The following COBLL1 variants were observed in gnomAD, a reference collection of about 807,000 sequenced individuals.
COBLL1 encodes cordon-bleu WH2 repeat protein like 1.
COBLL1 carries 50 observed loss-of-function variants against 94.8 expected under a neutral mutation model. The ratio of observed to expected loss-of-function variants is 0.53; its 90% CI spans 0.42 to 0.67. COBLL1 has a LOEUF of 0.67. Ranked by LOEUF, COBLL1 falls within the 30% of genes least tolerant of loss-of-function variation. The pLI is 0.00. For missense variants in COBLL1, 1,362 were observed against 1,348.7 expected (o/e 1.01, Z -0.15); for synonymous variants, 448 against 473.8 (o/e 0.95, Z 0.71).
chr2:164,725,929 T>C (rs147569432), intron 5 of COBLL1, among the ~76,000 whole-genome samples: 226 of 152,310 alleles, frequency 1.5e-3, no homozygotes, highest in African/African-American at 5.1e-3. Flanking sequence ...AATTGCATGG[T>C]AAGTTCTAAG....
intron 2 of COBLL1, among the ~76,000 whole-genome samples, chr2:164,815,533 A>G (rs1684687522): frequency 1.3e-5 from 2 of 152,180 alleles, no homozygotes; most frequent in African/African-American, 4.8e-5. Context: ...CTCTTACTTA[A>G]TCTCAGTTAA....
At chr2:164,745,160 T>C (rs767934740) in intron 2 of COBLL1, among the ~76,000 whole-genome samples, 3 of 152,156 alleles carry the variant, frequency 2.0e-5, no homozygotes, top group Non-Finnish European at 4.4e-5. Context: ...CATCCACCTA[T>C]TCGGTATTTT....
At chr2:164,700,456 A>G (rs568002476) in intron 10 of COBLL1, 66 bp downstream of exon 10, 25 of 955,246 alleles carry the variant, frequency 2.6e-5, no homozygotes, top group Middle Eastern at 2.5e-4. Flanking sequence ...TATCAGATCT[A>G]TATTTCAGAA....
chr2:164,664,311 T>C (rs1431817973), intron 2 of COBLL1, among the ~76,000 whole-genome samples: 2 of 152,230 alleles, frequency 1.3e-5, no homozygotes, highest in African/African-American at 4.8e-5. Flanking sequence ...TGGAGAGCCA[T>C]AATTTTCTTT....
At position 164,690,758 on chromosome 2, in the gene COBLL1, T is replaced by C. The variant is rs78379890; in HGVS notation, c.3300+1463A>G. ...AGAGGCTTCATTTTATTCATTTTCA[T>C]GTTCTCAGTATCTAGTACAATATTT... On this transcript the variant is annotated intron_variant, in intron 13 of 13. Coordinates refer to ENST00000652658, the MANE Select transcript of COBLL1 (RefSeq NM_001365672.2). Among the ~76,000 whole-genome samples, 17 of 152,314 alleles carry C rather than the reference T, an allele frequency of 1.1e-4. No individual in the cohort carries two copies. The East Asian group carries it at 3.3e-3, about 29-fold the overall frequency.
chr2:164,841,402 C>G lies in COBLL1; in HGVS notation c.-50-156G>C. On this transcript the variant is annotated intron_variant, in intron 1 of 13. Coordinates refer to ENST00000652658, the MANE Select transcript of COBLL1 (RefSeq NM_001365672.2). The surrounding 1 kb of genome is among the most constrained non-coding windows in gnomAD (Gnocchi z 5.5). ...CACCTGCGGGCCCCGGCTCCCAGCC[C>G]GCGGGCGCCGCCGCCGTCTCTACAA... 1.7e-6 allele frequency: 2 copies of G among 1,167,780 alleles called. No homozygotes were observed. The highest frequency in any genetic ancestry group is 2.1e-6 in the Non-Finnish European group (2 of 947,482). The allele number at this position is 1,167,780 out of a possible 1,614,324, so 72.3% of individuals were successfully genotyped here.
chr2:164,791,489 GAC>G (rs1683187175), intron 2 of COBLL1, among the ~76,000 whole-genome samples: 2 of 152,114 alleles, frequency 1.3e-5, no homozygotes, highest in Non-Finnish European at 2.9e-5. Context: ...TAGACAGACA[GAC>G]AGACAGATAT....
In COBLL1 at chr2:164,680,764, TTTG is replaced by T. The variant is rs1186477893; in HGVS notation, c.*5179_*5181del. ...GGGATATGCTTATACTAAAAAAAAA[TTTG>T]TTGTTTATCCGAAGTTCAAATTTAA... On this transcript the variant is annotated 3_prime_UTR_variant, in exon 14 of 14. Coordinates refer to ENST00000652658, the MANE Select transcript of COBLL1 (RefSeq NM_001365672.2). The T allele has an allele frequency of 2.0e-5, 3 of 151,928 alleles. No homozygotes were observed. Among genetic ancestry groups the T allele is most frequent in the African/African-American group, 7.3e-5 (3 of 41,356 alleles). 9.4% of individuals were successfully genotyped at this position (151,928 alleles called of 1,614,324 possible).
chr2:164,672,705 CAAAAAAAA>C (rs1187183800), intron 1 of COBLL1, among the ~76,000 whole-genome samples: 2 of 64,968 alleles, frequency 3.1e-5, no homozygotes, highest in Non-Finnish European at 3.3e-5. Flanking sequence ...GACTCCGTCT[CAAAAAAAA>C]AAAAAAAAAA....
chr2:164,812,428 GTTAT>G (rs1019440828), intron 2 of COBLL1, among the ~76,000 whole-genome samples: 20 of 151,988 alleles, frequency 1.3e-4, no homozygotes, highest in Non-Finnish European at 1.9e-4. Context: ...GTTCCTGTCT[GTTAT>G]TTATCAGTTT....
Position 164,789,020 on chromosome 2 carries a change from A to AACACACACACAC in COBLL1, c.42-45157_42-45146dup, listed in dbSNP as rs56773751. 6.0e-3 allele frequency among the ~76,000 whole-genome samples: 850 copies of AACACACACACAC among 141,644 alleles called. 7 individuals carry two copies. The highest frequency in any genetic ancestry group is 0.019 in the Admixed American group (259 of 13,858). 92.9% of individuals were successfully genotyped at this position (141,644 alleles called of 152,430 possible). On this transcript the variant is annotated intron_variant, in intron 2 of 13. Coordinates refer to ENST00000652658, the MANE Select transcript of COBLL1 (RefSeq NM_001365672.2). ...GATTACCTGTAGGAGTAGAGGTTTA[A>AACACACACACAC]ACACACACACACACACACACACACA...
At chr2:164,789,020 AACACACACACACACACACACACACACAC>A (rs56773751) in intron 2 of COBLL1, among the ~76,000 whole-genome samples, 1 of 141,564 alleles carries the variant, frequency 7.1e-6, no homozygotes, top group Non-Finnish European at 1.5e-5. Context: ...TAGAGGTTTA[AACACACACACACACACACACACACACAC>A]ACACACACAC....
intron 9 of COBLL1, among the ~76,000 whole-genome samples, chr2:164,702,575 A>AAT (rs1553469789): frequency 1.6e-4 from 22 of 135,068 alleles, no homozygotes; most frequent in African/African-American, 6.3e-4. Flanking sequence ...AAAAAAAAAA[A>AAT]AATAATAATA....
At chr2:164,827,154 G>T (rs528279256) in intron 2 of COBLL1, among the ~76,000 whole-genome samples, 38 of 152,074 alleles carry the variant, frequency 2.5e-4, no homozygotes, top group African/African-American at 6.7e-4. Flanking sequence ...TCCCCATGCT[G>T]GCCAGGCTGG....
chr2:164,832,741 T>C (rs1012872181), intron 2 of COBLL1, among the ~76,000 whole-genome samples: 9 of 152,232 alleles, frequency 5.9e-5, no homozygotes, highest in African/African-American at 2.2e-4. Flanking sequence ...TGATTTCAAT[T>C]GAGGAATTAA....
chr2:164,806,276 C>T (rs569772063), intron 2 of COBLL1, among the ~76,000 whole-genome samples: 1 of 152,074 alleles, frequency 6.6e-6, no homozygotes, highest in Non-Finnish European at 1.5e-5. Context: ...AGTTTGATAC[C>T]TAGTTCTGCC....
intron 2 of COBLL1, among the ~76,000 whole-genome samples, chr2:164,660,041 G>C (rs985172965): frequency 6.6e-6 from 1 of 152,172 alleles, no homozygotes; most frequent in African/African-American, 2.4e-5. Flanking sequence ...TTCTGAATAA[G>C]TGACTACCAC....
intron 2 of COBLL1, among the ~76,000 whole-genome samples, chr2:164,754,772 G>A (rs1255025619): frequency 6.6e-6 from 1 of 152,162 alleles, no homozygotes; most frequent in Admixed American, 6.5e-5. Flanking sequence ...TTAGGACCTT[G>A]TCTATATTTA....
chr2:164,841,564 G>C lies in COBLL1; in HGVS notation c.-51+146C>G. 1.5e-6 allele frequency: 1 copy of C among 672,570 alleles called. No homozygotes were observed. Among genetic ancestry groups the C allele is most frequent in the Non-Finnish European group, 2.0e-6 (1 of 511,468 alleles). 41.7% of individuals were successfully genotyped at this position (672,570 alleles called of 1,614,324 possible). ...GGGCTGGAAAAGGAGGAGGAGCGGGGCCGGGCGCACGGGCACCGCTGCCAC... is the reference window on the plus strand; with the variant it reads ...GGGCTGGAAAAGGAGGAGGAGCGGGCCCGGGCGCACGGGCACCGCTGCCAC... On this transcript the variant is annotated intron_variant, in intron 1 of 13. Transcript: ENST00000652658. The surrounding 1 kb of genome is among the most constrained non-coding windows in gnomAD (Gnocchi z 5.5).
Sources: gnomAD v4.1 joint callset for allele counts (sites outside exome capture counted in the v4.1 genomes callset) on GRCh38, gnomAD v4.1.1 for gene constraint, Gnocchi (gnomAD v3.1) non-coding constraint, MANE v1.5 for transcripts, NCBI Gene and HGNC (gene_info 2026-07-23, HGNC 2026-07-21) for gene names.